Variants in AKAP7 observed in about 807,000 individuals in gnomAD.
The protein encoded by AKAP7 is A-kinase anchoring protein 7, also known as A kinase (PRKA) anchor protein 7.
A neutral mutation model predicts 39.5 loss-of-function variants in AKAP7; 39 were observed. That is an observed-to-expected ratio of 0.99 (90% CI 0.76 to 1.29). AKAP7 has a LOEUF of 1.29. Ranked by LOEUF, AKAP7 falls within the 50% of genes most tolerant of loss-of-function variation. AKAP7 has a pLI of 0.00. For synonymous variants in AKAP7, 140 were observed against 139.1 expected (o/e 1.01, Z -0.05); for missense variants, 414 against 407.7 (o/e 1.02, Z -0.13).
rs141739143 is a variant in AKAP7, at chr6:131,243,653, C to T, written c.850+23845C>T. On this transcript the variant is annotated intron_variant, in intron 7 of 7. Coordinates refer to ENST00000431975, the MANE Select transcript of AKAP7 (RefSeq NM_016377.4). ...AAGCTTGACATACCAGGAAATGTGA[C>T]TGACTGTTGTCTTGCCCAAGGTCAA... is the stretch of plus-strand genomic sequence containing the variant. Among the ~76,000 whole-genome samples, 142 of 152,292 alleles carry T rather than the reference C, an allele frequency of 9.3e-4. 1 individual carries two copies. The highest frequency in any genetic ancestry group is 6.8e-3 in the Middle Eastern group (2 of 294).
At chr6:131,217,747 T>A (rs1809318578) in intron 6 of AKAP7, among the ~76,000 whole-genome samples, 1 of 152,248 alleles carries the variant, frequency 6.6e-6, no homozygotes, top group Admixed American at 6.5e-5. Flanking sequence ...TTTTATTTCT[T>A]TAAAAAATGA....
At chr6:131,238,277 G>A (rs532349227) in intron 7 of AKAP7, among the ~76,000 whole-genome samples, 15 of 152,252 alleles carry the variant, frequency 9.9e-5, no homozygotes, top group African/African-American at 2.9e-4. Flanking sequence ...GAGACAGTTT[G>A]TTATAATTTC....
In AKAP7 at chr6:131,135,701, G is replaced by T. The variant is rs1012904275; in HGVS notation, c.-63G>T. The T allele has an allele frequency of 3.4e-6, 4 of 1,168,898 alleles. No homozygotes were observed. The highest frequency in any genetic ancestry group is 4.6e-5 in the Admixed American group (1 of 21,588). The allele number at this position is 1,168,898 out of a possible 1,614,324, so 72.4% of individuals were successfully genotyped here. On this transcript the variant is annotated 5_prime_UTR_variant, in exon 1 of 8. Coordinates refer to ENST00000431975, the MANE Select transcript of AKAP7 (RefSeq NM_016377.4). Reference sequence around the variant, plus strand: ...CCGCCTCGGCCTCGCCTCCAGCCCCGGGACGCGGCCCGCCACCGCCGCTGC... The same window carrying T: ...CCGCCTCGGCCTCGCCTCCAGCCCCTGGACGCGGCCCGCCACCGCCGCTGC...
At chr6:131,241,771 C>T (rs1176287901) in intron 7 of AKAP7, among the ~76,000 whole-genome samples, 1 of 151,808 alleles carries the variant, frequency 6.6e-6, no homozygotes, top group Non-Finnish European at 1.5e-5. Context: ...ATGTATTGTA[C>T]AGAAAGGATG....
intron 6 of AKAP7, chr6:131,199,991 C>G (rs761237608): frequency 2.1e-5 from 4 of 193,990 alleles, no homozygotes; most frequent in Non-Finnish European, 3.1e-5. Flanking sequence ...TTTTACCCCT[C>G]TTCCTGTCGC....
At chr6:131,238,053 A>AC (rs756002627) in intron 7 of AKAP7, among the ~76,000 whole-genome samples, 8 of 151,436 alleles carry the variant, frequency 5.3e-5, no homozygotes, top group Non-Finnish European at 1.2e-4. Context: ...AGTGCTATAA[A>AC]TTTCCCTCTA....
At chr6:131,160,787 T>C (rs1215289778) in intron 3 of AKAP7, among the ~76,000 whole-genome samples, 3 of 152,190 alleles carry the variant, frequency 2.0e-5, no homozygotes, top group Admixed American at 6.5e-5. Flanking sequence ...TATTGCACCA[T>C]TAAACTTGGT....
intron 7 of AKAP7, among the ~76,000 whole-genome samples, chr6:131,224,597 T>A (rs1055712987): frequency 6.6e-6 from 1 of 152,068 alleles, no homozygotes; most frequent in African/African-American, 2.4e-5. Context: ...TTGTTAATGG[T>A]ACATTCTTGG....
intron 5 of AKAP7, among the ~76,000 whole-genome samples, chr6:131,195,903 T>G (rs542012330): frequency 7.9e-5 from 12 of 152,318 alleles, no homozygotes; most frequent in Non-Finnish European, 1.5e-4. Flanking sequence ...GGCGTTTGAT[T>G]ATTAAATGCC....
the AKAP7 span, among the ~76,000 whole-genome samples, chr6:131,126,388 A>C: frequency 2.6e-5 from 4 of 152,208 alleles, no homozygotes; most frequent in African/African-American, 4.8e-5. Context: ...ATATCCACAA[A>C]TGTAACAAGT....
chr6:131,202,526 T>G (rs1190807), intron 6 of AKAP7, among the ~76,000 whole-genome samples: 1 of 150,460 alleles, frequency 6.6e-6, no homozygotes, highest in African/African-American at 2.5e-5. Flanking sequence ...AACCAAACAC[T>G]GCAGGTTCTC....
At chr6:131,216,159 G>T (rs1809155992) in intron 6 of AKAP7, among the ~76,000 whole-genome samples, 1 of 152,106 alleles carries the variant, frequency 6.6e-6, no homozygotes, top group South Asian at 2.1e-4. Flanking sequence ...CAAAAGGTTT[G>T]TCATAGAAAT....
chr6:131,232,029 C>T (rs1192206370), intron 7 of AKAP7, among the ~76,000 whole-genome samples: 2 of 152,150 alleles, frequency 1.3e-5, no homozygotes, highest in Non-Finnish European at 2.9e-5. Context: ...TTAGTGATGG[C>T]TCACTGTATT....
chr6:131,238,723 T>C (rs1390592584), intron 7 of AKAP7, among the ~76,000 whole-genome samples: 1 of 152,190 alleles, frequency 6.6e-6, no homozygotes, highest in East Asian at 1.9e-4. Flanking sequence ...AAGACTAGGA[T>C]TGCAACCCCT....
rs763109484 is a variant in AKAP7, at chr6:131,160,135, GA to G, written c.236del (p.Lys79ArgfsTer21). The stretch of plus-strand genomic sequence containing the variant: ...TCAAGAGTGATCAAGTAAAGAAGAG[GA>G]AAAAAAAGAGAAAAGATTATCAACC... ...WVKSDQVKKR[K>X]KKRKDYQPNY... On this transcript the variant is annotated frameshift_variant, in exon 3 of 8. Coordinates refer to ENST00000431975, the MANE Select transcript of AKAP7 (RefSeq NM_016377.4). LOFTEE classifies it high-confidence loss of function. The G allele has an allele frequency of 3.7e-6, 6 of 1,608,380 alleles. No individual in the cohort carries two copies. In the Admixed American group the frequency reaches 5.1e-5, roughly 14 times the overall value.
chr6:131,175,729 A>C (rs974386239), intron 5 of AKAP7, among the ~76,000 whole-genome samples: 11 of 152,278 alleles, frequency 7.2e-5, no homozygotes, highest in Non-Finnish European at 1.0e-4. Context: ...TAAGACCCAC[A>C]TTTGAGATAT....
intron 6 of AKAP7, among the ~76,000 whole-genome samples, chr6:131,208,077 A>G (rs867779382): frequency 6.6e-6 from 1 of 152,222 alleles, no homozygotes; most frequent in African/African-American, 2.4e-5. Context: ...AACACTAAAA[A>G]TTCAGTGAAT....
intron 5 of AKAP7, among the ~76,000 whole-genome samples, chr6:131,196,309 AG>A (rs1181336664): frequency 3.5e-5 from 5 of 144,230 alleles, no homozygotes; most frequent in Non-Finnish European, 7.4e-5. Context: ...TCTGTCACTC[AG>A]GCAGGAGTGC....
At chr6:131,265,422 T>C (rs1447409769) in intron 7 of AKAP7, among the ~76,000 whole-genome samples, 1 of 152,122 alleles carries the variant, frequency 6.6e-6, no homozygotes, top group Non-Finnish European at 1.5e-5. Context: ...GGCAGCTTTA[T>C]ATGATTTTCT....
Sources: gnomAD v4.1 joint callset for allele counts (sites outside exome capture counted in the v4.1 genomes callset) on GRCh38, gnomAD v4.1.1 for gene constraint, MANE v1.5 for transcripts, NCBI Gene and HGNC (gene_info 2026-07-23, HGNC 2026-07-21) for gene names.